The following ARHGEF12 variants were observed in gnomAD, a reference collection of about 807,000 sequenced individuals.
The protein encoded by ARHGEF12 is KMT2A/ARHGEF12 fusion protein.
Under a neutral mutation model 211.2 loss-of-function variants are expected in ARHGEF12, and 66 were observed. The ratio of observed to expected loss-of-function variants is 0.31; its 90% CI spans 0.26 to 0.38. The LOEUF (loss-of-function observed/expected upper bound fraction) is 0.38, where lower values mean the gene tolerates loss of function less well. Ranked by LOEUF, ARHGEF12 falls within the 10% of genes least tolerant of loss-of-function variation. The pLI, the probability that ARHGEF12 is intolerant of heterozygous loss-of-function variation, is 1.00. For missense variants in ARHGEF12, 1,429 were observed against 1,869.5 expected (o/e 0.76, Z 4.34); for synonymous variants, 592 against 638.4 (o/e 0.93, Z 1.09).
chr11:120,353,193 T>A (rs1411866244), intron 1 of ARHGEF12, among the ~76,000 whole-genome samples: 1 of 152,180 alleles, frequency 6.6e-6, no homozygotes, highest in Non-Finnish European at 1.5e-5. Flanking sequence ...GGGACACATC[T>A]CAGCATACAG....
intron 15 of ARHGEF12, among the ~76,000 whole-genome samples, chr11:120,442,427 T>TATATATACAC (rs1156564301): frequency 1.4e-5 from 2 of 144,052 alleles, no homozygotes; most frequent in Admixed American, 7.0e-5. Context: ...TATATATATA[T>TATATATACAC]ACACACACAC....
At chr11:120,482,700 A>G (rs956384282) in intron 39 of ARHGEF12, among the ~76,000 whole-genome samples, 31 of 151,524 alleles carry the variant, frequency 2.0e-4, no homozygotes, top group African/African-American at 6.8e-4. Flanking sequence ...AGCTGAGATC[A>G]CGCCACTGCA....
Position 120,477,419 on chromosome 11 carries a change from GTT to G in ARHGEF12, c.3453-10_3453-9del, listed in dbSNP as rs371114939. ...GTTTAGATACCTCAGGAAGGTAAAA[GTT>G]TTTTTTTTTTTTTTTTTCTCTACAG... On this transcript the variant is annotated intron_variant, in intron 35 of 40. Transcript: ENST00000397843. 8.2e-3 allele frequency: 10,052 copies of G among 1,229,454 alleles called. No individual in the cohort carries two copies. The highest frequency in any genetic ancestry group is 0.011 in the Middle Eastern group (44 of 4,028). The allele number at this position is 1,229,454 out of a possible 1,614,324, so 76.2% of individuals were successfully genotyped here.
chr11:120,455,880 T>G (rs1280587412), intron 22 of ARHGEF12, among the ~76,000 whole-genome samples: 1 of 152,152 alleles, frequency 6.6e-6, no homozygotes, highest in East Asian at 1.9e-4. Flanking sequence ...AACAGAATTG[T>G]TCAGGAAAAT....
rs1029992873 is a variant in ARHGEF12 at position 120,442,010 on chromosome 11, A to G, written c.1204-94A>G. On this transcript the variant is annotated intron_variant, in intron 14 of 40. Transcript: ENST00000397843. The stretch of plus-strand genomic sequence containing the variant: ...ATAACTACATTGTTTATGGTGACCT[A>G]CCTGTTCCAGACATTCCTACTCAAT... 1.5e-5 allele frequency: 14 copies of G among 922,950 alleles called. No homozygotes were observed. The African/African-American group carries it at 2.4e-4, about 16-fold the overall frequency. The allele number at this position is 922,950 out of a possible 1,614,324, so 57.2% of individuals were successfully genotyped here. A position where few individuals can be genotyped will look rare whatever the true frequency, so the allele number is the denominator to read the frequency against.
chr11:120,353,859 A>C (rs1943061506), intron 1 of ARHGEF12, among the ~76,000 whole-genome samples: 4 of 152,138 alleles, frequency 2.6e-5, no homozygotes, highest in Admixed American at 2.6e-4. Flanking sequence ...CTGTTTATGC[A>C]TTTCAATTTT....
intron 28 of ARHGEF12, 30 bp from the exon 29 acceptor site, chr11:120,467,164 A>G (rs1946727762): frequency 1.4e-6 from 2 of 1,379,928 alleles, no homozygotes; most frequent in East Asian, 2.3e-5. Context: ...AATAAGAATT[A>G]CAGATTCACT....
At chr11:120,471,299 G>C (rs940121439) in intron 30 of ARHGEF12, among the ~76,000 whole-genome samples, 6 of 152,014 alleles carry the variant, frequency 3.9e-5, no homozygotes, top group African/African-American at 1.4e-4. Flanking sequence ...GTACCACTAA[G>C]GCACACAACA....
rs772855501 is a variant in ARHGEF12, at chr11:120,460,728, G to A, written c.2584G>A (p.Asp862Asn). ...AAAGAGAAATGAGACCTCTGTTATC[G>A]ATCAGATTGGGGAAGATTTGCTGAC... ...VRKRNETSVI[D>N]QIGEDLLTWF... Residue 862 changes from aspartate to asparagine, a missense_variant, in exon 27 of 41, where the codon GAT (aspartate) becomes AAT (asparagine). Transcript: ENST00000397843. 1.5e-5 allele frequency: 24 copies of A among 1,613,644 alleles called. No individual in the cohort carries two copies. The highest frequency in any genetic ancestry group is 1.9e-5 in the Non-Finnish European group (23 of 1,179,870).
chr11:120,420,859 AT>A lies in ARHGEF12; in HGVS notation c.298+12del. On this transcript the variant is annotated intron_variant, in intron 5 of 40. Coordinates refer to ENST00000397843, the MANE Select transcript of ARHGEF12 (RefSeq NM_015313.3). ...TACAGTCTGTCAAAGAAGGCAAGGC[AT>A]TTTAAAAAACAATTTATCACTCAGT... 1 of 1,610,804 alleles carries A rather than the reference AT, an allele frequency of 6.2e-7. No homozygotes were observed. Among genetic ancestry groups the A allele is most frequent in the Non-Finnish European group, 8.5e-7 (1 of 1,177,276 alleles).
rs1371443579 is a variant in ARHGEF12 at position 120,480,063 on chromosome 11, G to A, written c.3870G>A (p.Gly1290=). ...HFPRYRTASQ[G]PQTDSVIQNS... ...CAAGATACAGAACAGCCTCTCAGGGGCCGCAGACAGACAGTGTCATCCAGA... is the reference window on the plus strand; with the variant it reads ...CAAGATACAGAACAGCCTCTCAGGGACCGCAGACAGACAGTGTCATCCAGA... The change falls in exon 38 of 41, where the codon GGG becomes GGA. Residue 1290 remains glycine, a synonymous_variant. Coordinates refer to ENST00000397843, the MANE Select transcript of ARHGEF12 (RefSeq NM_015313.3). 1 of 1,614,204 alleles carries A rather than the reference G, an allele frequency of 6.2e-7. No individual in the cohort carries two copies. The highest frequency in any genetic ancestry group is 8.5e-7 in the Non-Finnish European group (1 of 1,180,040).
chr11:120,399,703 CATAAG>C (rs767996330), intron 1 of ARHGEF12, among the ~76,000 whole-genome samples: 41 of 152,222 alleles, frequency 2.7e-4, no homozygotes, highest in Middle Eastern at 3.4e-3. Context: ...ATATTTGATA[CATAAG>C]ATAAGTCATT....
chr11:120,451,504 C>T lies in ARHGEF12; in HGVS notation c.1844-8C>T. On this transcript the variant is annotated splice_polypyrimidine_tract_variant and splice_region_variant and intron_variant, in intron 21 of 40. Coordinates refer to ENST00000397843, the MANE Select transcript of ARHGEF12 (RefSeq NM_015313.3). ...AATACAGATTATTAACCATCATTTTCTGATCAGTTGGCAGAGCCATGGAAC... is the reference window on the plus strand; with the variant it reads ...AATACAGATTATTAACCATCATTTTTTGATCAGTTGGCAGAGCCATGGAAC... 2 of 1,613,630 alleles carry T rather than the reference C, an allele frequency of 1.2e-6. No individual in the cohort carries two copies. Among genetic ancestry groups the T allele is most frequent in the Non-Finnish European group, 1.7e-6 (2 of 1,179,880 alleles).
At chr11:120,371,370 C>T (rs2135410981) in intron 1 of ARHGEF12, among the ~76,000 whole-genome samples, 1 of 152,282 alleles carries the variant, frequency 6.6e-6, no homozygotes, top group African/African-American at 2.4e-5. Context: ...TGCCTGTAAT[C>T]CCAGCTACTC....
At chr11:120,453,864 T>C (rs1380548003) in intron 22 of ARHGEF12, among the ~76,000 whole-genome samples, 1 of 152,198 alleles carries the variant, frequency 6.6e-6, no homozygotes, top group Non-Finnish European at 1.5e-5. Context: ...TGTTATGCAG[T>C]GCAGGAATAA....
chr11:120,410,527 G>GA (rs1240350384), intron 4 of ARHGEF12: 4 of 151,830 alleles, frequency 2.6e-5, no homozygotes, highest in African/African-American at 9.7e-5. Flanking sequence ...TATAGGAGAG[G>GA]AAAAAATACA....
At chr11:120,391,077 A>T (rs1944202167) in intron 1 of ARHGEF12, among the ~76,000 whole-genome samples, 1 of 152,144 alleles carries the variant, frequency 6.6e-6, no homozygotes, top group Non-Finnish European at 1.5e-5. Context: ...CACCTAGCAC[A>T]ATTTCTGACT....
intron 28 of ARHGEF12, 113 bp downstream of exon 28, chr11:120,465,475 T>C: frequency 8.2e-6 from 11 of 1,336,978 alleles, no homozygotes; most frequent in African/African-American, 3.0e-5. Context: ...TGTGTTAACT[T>C]TTTTTTTTTG....
chr11:120,442,346 CTT>C (rs199708925), intron 15 of ARHGEF12, 144 bp downstream of exon 15: 1,119 of 423,948 alleles, frequency 2.6e-3, no homozygotes, highest in East Asian at 0.026. Flanking sequence ...TTACTCTAGA[CTT>C]TTTTTTTTTT....
Sources: gnomAD v4.1 joint callset for allele counts (sites outside exome capture counted in the v4.1 genomes callset) on GRCh38, gnomAD v4.1.1 for gene constraint, MANE v1.5 for transcripts, NCBI Gene and HGNC (gene_info 2026-07-23, HGNC 2026-07-21) for gene names.